The following DNAH7 variants were observed in gnomAD, a reference collection of about 807,000 sequenced individuals.
DNAH7 encodes axonemal beta dynein heavy chain 7.
Under a neutral mutation model 444.6 loss-of-function variants are expected in DNAH7, and 397 were observed. That is an observed-to-expected ratio of 0.89 (90% CI 0.82 to 0.97). The LOEUF is 0.97. Among genes scored for constraint, DNAH7 ranks in the 50% least tolerant of loss-of-function variants. The pLI is 0.00. For synonymous variants in DNAH7, 1,636 were observed against 1,624.4 expected, an observed-to-expected ratio of 1.01 and a Z score of -0.17; for missense variants, 4,902 against 4,800.8, an observed-to-expected ratio of 1.02 and a Z score of -0.62.
intron 19 of DNAH7, among the ~76,000 whole-genome samples, chr2:195,952,875 A>T (rs1690361305): frequency 6.6e-6 from 1 of 152,160 alleles, no homozygotes; most frequent in African/African-American, 2.4e-5. Context: ...TTGGGTTAGA[A>T]CATGCTCCTT....
At chr2:196,064,884 C>T (rs1483574681) in intron 1 of DNAH7, among the ~76,000 whole-genome samples, 4 of 152,074 alleles carry the variant, frequency 2.6e-5, no homozygotes, top group Non-Finnish European at 4.4e-5. Context: ...GATGTCTCAG[C>T]GAACTCCTTG....
intron 19 of DNAH7, among the ~76,000 whole-genome samples, chr2:195,946,654 T>C (rs1239891590): frequency 6.6e-6 from 1 of 152,178 alleles, no homozygotes; most frequent in Non-Finnish European, 1.5e-5. Flanking sequence ...CAGAAAATGT[T>C]CTTTTACCCT....
intron 59 of DNAH7, among the ~76,000 whole-genome samples, chr2:195,777,549 T>C (rs1695117334): frequency 6.6e-6 from 1 of 152,218 alleles, no homozygotes; most frequent in Admixed American, 6.5e-5. Flanking sequence ...ACTGAGTTTA[T>C]GATGACAGAA....
chr2:195,747,863 A>G (rs1012401593), intron 63 of DNAH7, among the ~76,000 whole-genome samples: 2 of 152,166 alleles, frequency 1.3e-5, no homozygotes, highest in African/African-American at 4.8e-5. Context: ...TCTATGACAA[A>G]CCCACAGCCA....
intron 54 of DNAH7, among the ~76,000 whole-genome samples, chr2:195,800,649 G>A (rs1179802169): frequency 6.6e-6 from 1 of 152,098 alleles, no homozygotes; most frequent in African/African-American, 2.4e-5. Context: ...AGACATTGTC[G>A]CCTGGCTCCC....
intron 48 of DNAH7, among the ~76,000 whole-genome samples, chr2:195,831,483 T>C (rs781276421): frequency 1.2e-4 from 18 of 152,186 alleles, no homozygotes; most frequent in Non-Finnish European, 2.1e-4. Flanking sequence ...TAAACATAAC[T>C]CCTTAAATGG....
Position 196,013,994 on chromosome 2 carries a change from T to C in DNAH7, c.870-1088A>G, listed in dbSNP as rs200362617. Among the ~76,000 whole-genome samples, 3 of 152,214 alleles carry C rather than the reference T, an allele frequency of 2.0e-5. No homozygotes were observed. In the East Asian group the frequency reaches 5.8e-4, roughly 29 times the overall value. On this transcript the variant is annotated intron_variant, in intron 9 of 64. Coordinates refer to ENST00000312428, the MANE Select transcript of DNAH7 (RefSeq NM_018897.3). ...AGACCAATTTTCCTTAGTTTCTTCG[T>C]ATTCGATTTGAAACAGAATTCGAGG... is the stretch of plus-strand genomic sequence containing the variant.
At chr2:195,994,470 A>G in intron 12 of DNAH7, 1 of 524,660 alleles carries the variant, frequency 1.9e-6, no homozygotes, top group Non-Finnish European at 3.7e-6. Context: ...TGCCATAGAA[A>G]TTGACCAATC....
chr2:196,037,173 A>C (rs1168506392), intron 5 of DNAH7, among the ~76,000 whole-genome samples: 1 of 152,210 alleles, frequency 6.6e-6, no homozygotes, highest in Non-Finnish European at 1.5e-5. Flanking sequence ...TACGAACATT[A>C]CACTATGGTG....
intron 46 of DNAH7, among the ~76,000 whole-genome samples, chr2:195,845,566 T>C (rs1698936039): frequency 6.6e-6 from 1 of 152,154 alleles, no homozygotes; most frequent in South Asian, 2.1e-4. Flanking sequence ...AAGCTATCCT[T>C]AGCAAAAAGA....
chr2:196,067,814 G>A (rs1309836777), intron 1 of DNAH7, among the ~76,000 whole-genome samples: 1 of 152,194 alleles, frequency 6.6e-6, no homozygotes, highest in South Asian at 2.1e-4. Flanking sequence ...GAAATTTGCA[G>A]GCTTAAAAAC....
intron 31 of DNAH7, among the ~76,000 whole-genome samples, chr2:195,891,426 T>G (rs1230433400): frequency 6.6e-6 from 1 of 152,070 alleles, no homozygotes; most frequent in East Asian, 1.9e-4. Context: ...TTTTTTTTTT[T>G]CTACCCTCTC....
In DNAH7 at chr2:195,737,942, C is replaced by T. The variant is rs773979855; in HGVS notation, c.12054G>A (p.Leu4018=). 6.2e-7 allele frequency: 1 copy of T among 1,613,984 alleles called. No homozygotes were observed. Among genetic ancestry groups the T allele is most frequent in the African/African-American group, 1.3e-5 (1 of 75,044 alleles). The part of the protein sequence containing the change: ...KEHWIGRGVA[L]LCQLNS ...CTGGTTATGAATTAAGTTGACATAA[C>T]AGTGCTACACCTCGTCCAATCCAGT... Residue 4018 remains leucine (L), a synonymous_variant, in exon 65 of 65, where the codon CTG becomes CTA. Coordinates refer to ENST00000312428, the MANE Select transcript of DNAH7 (RefSeq NM_018897.3).
intron 24 of DNAH7, among the ~76,000 whole-genome samples, chr2:195,912,468 G>C (rs1323202196): frequency 6.6e-6 from 1 of 152,194 alleles, no homozygotes; most frequent in Non-Finnish European, 1.5e-5. Flanking sequence ...AGCCAGATTT[G>C]AGTCACACTG....
intron 1 of DNAH7, among the ~76,000 whole-genome samples, chr2:196,058,783 A>ATAATCCC (rs1314385866): frequency 6.6e-6 from 1 of 152,232 alleles, no homozygotes; most frequent in East Asian, 1.9e-4. Flanking sequence ...CAGATGGAAC[A>ATAATCCC]TAATCCCTAT....
In DNAH7 at chr2:195,897,742, T is replaced by C; in HGVS notation, c.4572A>G (p.Glu1524=). The change falls in exon 29 of 65, where the codon GAA becomes GAG. Residue 1524 remains glutamate, a synonymous_variant. Transcript: ENST00000312428. ...NLKLKYPNEN[E]EILLLRSIID... ...TGATAGATCTAAGCAGCAAAATTTC[T>C]TCATTTTCATTTGGATATTTCAGCT... 1 of 1,586,932 alleles carries C rather than the reference T, an allele frequency of 6.3e-7. No individual in the cohort carries two copies. The highest frequency in any genetic ancestry group is 8.6e-7 in the Non-Finnish European group (1 of 1,167,500).
At chr2:195,750,667 GC>G (rs1025549667) in intron 63 of DNAH7, among the ~76,000 whole-genome samples, 1 of 152,166 alleles carries the variant, frequency 6.6e-6, no homozygotes, top group African/African-American at 2.4e-5. Flanking sequence ...GAGACCTTCA[GC>G]AAGTTACTTA....
chr2:196,063,420 T>C (rs1233981749), intron 1 of DNAH7: 1 of 152,188 alleles, frequency 6.6e-6, no homozygotes, highest in African/African-American at 2.4e-5. Context: ...CTGATTCCTG[T>C]TTAAAACGCC....
At chr2:195,976,786 A>AGAGAGAGAGAGG (rs1243336641) in intron 15 of DNAH7, among the ~76,000 whole-genome samples, 1 of 147,522 alleles carries the variant, frequency 6.8e-6, no homozygotes, top group South Asian at 2.1e-4. Flanking sequence ...AGAGAGAGAG[A>AGAGAGAGAGAGG]GACTCTCTAA....
Sources: allele counts gnomAD v4.1 joint callset (sites outside exome capture counted in the v4.1 genomes callset), GRCh38; gene constraint gnomAD v4.1.1; transcripts MANE v1.5; gene names NCBI Gene and HGNC (gene_info 2026-07-23, HGNC 2026-07-21).